The following NEDD4 variants were observed in gnomAD, a reference collection of about 807,000 sequenced individuals.
NEDD4 encodes E3 ubiquitin-protein ligase NEDD4.
A neutral mutation model predicts 144.9 loss-of-function variants in NEDD4; 99 were observed. That is an observed-to-expected ratio of 0.68 (90% CI 0.58 to 0.81). The LOEUF is 0.81. Among genes scored for constraint, NEDD4 ranks in the 30% least tolerant of loss-of-function variants. The pLI, the probability that NEDD4 is intolerant of heterozygous loss-of-function variation, is 0.00. For synonymous variants in NEDD4, 318 were observed against 350.6 expected (o/e 0.91, Z 1.04); for missense variants, 985 against 1,065.9 (o/e 0.92, Z 1.06).
intron 2 of NEDD4, 44 bp from the exon 3 acceptor site, chr15:55,951,633 G>C (rs71476755): frequency 7.3e-7 from 1 of 1,365,094 alleles, no homozygotes. Context: ...TTTAATTATT[G>C]CTTACCCCAA....
At chr15:55,916,609 G>A in intron 5 of NEDD4, 3 of 1,613,996 alleles carry the variant, frequency 1.9e-6, no homozygotes, top group Non-Finnish European at 1.7e-6. Context: ...TCAGATGAGG[G>A]AACAGATGAT....
chr15:55,916,327 A>C, intron 5 of NEDD4: 1 of 1,613,998 alleles, frequency 6.2e-7, no homozygotes, highest in Non-Finnish European at 8.5e-7. Context: ...CATGACCCAA[A>C]ATCACTACCG....
intron 11 of NEDD4, among the ~76,000 whole-genome samples, chr15:55,857,422 AG>A (rs1410285653): frequency 6.6e-6 from 1 of 152,026 alleles, no homozygotes. Context: ...TCCACCTCCC[AG>A]GTTCAAGCAA....
At chr15:55,952,335 AAAAAT>A (rs373109599) in intron 2 of NEDD4, among the ~76,000 whole-genome samples, 22 of 152,098 alleles carry the variant, frequency 1.4e-4, no homozygotes, top group African/African-American at 4.6e-4. Context: ...CTCCGTCTCA[AAAAAT>A]AAAATAAAAT....
intron 2 of NEDD4, among the ~76,000 whole-genome samples, chr15:55,953,350 T>C (rs572596726): frequency 8.2e-4 from 125 of 152,262 alleles, no homozygotes; most frequent in Non-Finnish European, 1.4e-3. Context: ...CCTTTCTTTA[T>C]TTCATACAGA....
At chr15:55,848,069 G>C (rs1332000560) in intron 17 of NEDD4, among the ~76,000 whole-genome samples, 1 of 152,182 alleles carries the variant, frequency 6.6e-6, no homozygotes, top group Non-Finnish European at 1.5e-5. Flanking sequence ...GATTTGTGGA[G>C]GACTGTCATC....
At chr15:55,924,230 G>A (rs1013386697) in intron 5 of NEDD4, 1 of 160,064 alleles carries the variant, frequency 6.2e-6, no homozygotes, top group South Asian at 1.9e-4. Flanking sequence ...AGAGTGGATA[G>A]GATGTCCATT....
At chr15:55,909,847 T>C (rs1163936796) in intron 5 of NEDD4, among the ~76,000 whole-genome samples, 1 of 152,212 alleles carries the variant, frequency 6.6e-6, no homozygotes, top group East Asian at 1.9e-4. Flanking sequence ...TTGACTTGTT[T>C]TCTACATGGA....
At chr15:55,921,806 G>C (rs532062507) in intron 5 of NEDD4, among the ~76,000 whole-genome samples, 1 of 152,148 alleles carries the variant, frequency 6.6e-6, no homozygotes, top group Non-Finnish European at 1.5e-5. Flanking sequence ...AAATGCTTAA[G>C]GAATGTTAAT....
intron 11 of NEDD4, among the ~76,000 whole-genome samples, chr15:55,858,881 T>C (rs895078725): frequency 6.6e-6 from 1 of 152,158 alleles, no homozygotes; most frequent in Admixed American, 6.6e-5. Context: ...ATTCAGATGA[T>C]GTCGTGTGAA....
chr15:55,922,689 T>C (rs1350605280), intron 5 of NEDD4, among the ~76,000 whole-genome samples: 7 of 151,994 alleles, frequency 4.6e-5, no homozygotes, highest in East Asian at 1.9e-4. Context: ...GGGATATATA[T>C]ACATGTGATA....
intron 8 of NEDD4, among the ~76,000 whole-genome samples, chr15:55,867,328 C>T (rs1410469230): frequency 6.6e-6 from 1 of 152,144 alleles, no homozygotes; most frequent in Admixed American, 6.5e-5. Flanking sequence ...TACAAGCTTA[C>T]ATCTCCTGAA....
intron 12 of NEDD4, 147 bp from the exon 13 acceptor site, chr15:55,852,690 AATATATATATATATATATATAT>A (rs59736982): frequency 1.1e-5 from 2 of 182,372 alleles, no homozygotes; most frequent in African/African-American, 5.6e-5. Flanking sequence ...CTTTTCTAGA[AATATATATATATATATATATAT>A]ATATATATAT....
At chr15:55,835,856 CAT>C in intron 24 of NEDD4, among the ~76,000 whole-genome samples, 1 of 152,294 alleles carries the variant, frequency 6.6e-6, no homozygotes, top group South Asian at 2.1e-4. Context: ...TGATCTAAAA[CAT>C]AAATTGAATC....
chr15:55,881,846 A>AT (rs1214266616), intron 5 of NEDD4, among the ~76,000 whole-genome samples: 44 of 149,848 alleles, frequency 2.9e-4, no homozygotes, highest in South Asian at 8.5e-4. Context: ...GAGCCAGATA[A>AT]TTTTTTTTTT....
chr15:55,865,469 C>T (rs1431539436), intron 8 of NEDD4, among the ~76,000 whole-genome samples: 2 of 151,576 alleles, frequency 1.3e-5, no homozygotes, highest in African/African-American at 4.9e-5. Context: ...TGACACCAAA[C>T]CTTGAAGGCA....
At position 55,829,397 on chromosome 15, in the gene NEDD4, A is replaced by T. The variant is rs1437227970; in HGVS notation, c.*500T>A. Reference sequence around the variant, plus strand: ...TACAAAATAATAAATAGCTGCGAGTAGCACTAAATATATTGTAGTTTACTC... The same window carrying T: ...TACAAAATAATAAATAGCTGCGAGTTGCACTAAATATATTGTAGTTTACTC... On this transcript the variant is annotated 3_prime_UTR_variant, in exon 29 of 29. Coordinates refer to ENST00000435532, the MANE Select transcript of NEDD4 (RefSeq NM_006154.4). The T allele has an allele frequency of 6.5e-6, 1 of 152,928 alleles. No homozygotes were observed. The highest frequency in any genetic ancestry group is 6.5e-5 in the Admixed American group (1 of 15,326). 9.5% of individuals were successfully genotyped at this position (152,928 alleles called of 1,614,324 possible). A position where few individuals can be genotyped will look rare whatever the true frequency, so the allele number is the denominator to read the frequency against.
chr15:55,897,712 GTCC>G (rs1292646253), intron 5 of NEDD4, among the ~76,000 whole-genome samples: 1 of 152,184 alleles, frequency 6.6e-6, no homozygotes, highest in African/African-American at 2.4e-5. Context: ...CTGCCCATGT[GTCC>G]TCCTGGCCTT....
chr15:55,985,870 C>T (rs2037882880), intron 1 of NEDD4, among the ~76,000 whole-genome samples: 1 of 151,922 alleles, frequency 6.6e-6, no homozygotes, highest in African/African-American at 2.4e-5. Context: ...CATGTAAAAA[C>T]CATTTTATAC....
Sources: allele counts gnomAD v4.1 joint callset (sites outside exome capture counted in the v4.1 genomes callset), GRCh38; gene constraint gnomAD v4.1.1; transcripts MANE v1.5; gene names NCBI Gene and HGNC (gene_info 2026-07-23, HGNC 2026-07-21).